The following RYR1 variants were observed in gnomAD, a reference collection of about 807,000 sequenced individuals.
The protein encoded by RYR1 is ryanodine receptor 1, also known as central core disease of muscle.
A neutral mutation model predicts 583.5 loss-of-function variants in RYR1; 342 were observed. That is an observed-to-expected ratio of 0.59 (90% confidence interval 0.54 to 0.64). The LOEUF (loss-of-function observed/expected upper bound fraction) is 0.64. Among genes scored for constraint, RYR1 ranks in the 30% least tolerant of loss-of-function variants. The pLI is 0.00. For synonymous variants in RYR1, 2,791 were observed against 2,822.5 expected, an observed-to-expected ratio of 0.99 and a Z score of 0.35; for missense variants, 6,032 against 6,917.2, an observed-to-expected ratio of 0.87 and a Z score of 4.54.
At position 38,565,784 on chromosome 19, in the gene RYR1, G is replaced by A. The variant is rs747560523; in HGVS notation, c.13437+13G>A. 3 of 1,387,870 alleles carry A rather than the reference G, an allele frequency of 2.2e-6. No individual in the cohort carries two copies. The highest frequency in any genetic ancestry group is 3.6e-5 in the Admixed American group (1 of 28,002). 86.0% of individuals were successfully genotyped at this position (1,387,870 alleles called of 1,614,324 possible). On this transcript the variant is annotated intron_variant, in intron 91 of 105. Coordinates refer to ENST00000359596, the MANE Select transcript of RYR1 (RefSeq NM_000540.3). The surrounding 1 kb of genome is among the most constrained non-coding windows in gnomAD (Gnocchi z 4.7). ...GAGGAAATTGGGGGTGAGAGAGCAG[G>A]CGGGGTTTTGGGGTTTTGGAAAGAT...
intron 76 of RYR1, 76 bp from the exon 77 acceptor site, chr19:38,532,414 C>T (rs1193698527): frequency 2.7e-6 from 4 of 1,462,492 alleles, no homozygotes; most frequent in African/African-American, 1.4e-5. Context: ...TGAGCCACCG[C>T]ACCCTGCCCA....
chr19:38,516,495 TG>T (rs1970978073), intron 65 of RYR1, among the ~76,000 whole-genome samples: 1 of 152,212 alleles, frequency 6.6e-6, no homozygotes, highest in South Asian at 2.1e-4. Context: ...CCAGGCGCAG[TG>T]GGTCACGCCT....
At chr19:38,524,169 T>C (rs1971358848) in intron 70 of RYR1, among the ~76,000 whole-genome samples, 1 of 145,722 alleles carries the variant, frequency 6.9e-6, no homozygotes, top group African/African-American at 2.5e-5. Flanking sequence ...CCTTTTTTTT[T>C]TCTGGACTTT....
At chr19:38,515,248 G>A in intron 64 of RYR1, 141 bp downstream of exon 64, 1 of 726,244 alleles carries the variant, frequency 1.4e-6, no homozygotes, top group South Asian at 1.6e-5. Flanking sequence ...GTTCCCCACG[G>A]CGGCCGCGTG....
At chr19:38,494,668 G>T in intron 39 of RYR1, 43 bp downstream of exon 39, 2 of 1,609,946 alleles carry the variant, frequency 1.2e-6, no homozygotes, top group Non-Finnish European at 1.7e-6. Context: ...ATCCCCTTGG[G>T]TAATGAATAC....
intron 88 of RYR1, 49 bp from the exon 89 acceptor site, chr19:38,548,184 C>A: frequency 6.2e-7 from 1 of 1,608,496 alleles, no homozygotes. Context: ...CCTGGTGGGG[C>A]CCCAGAAGGG....
At position 38,565,284 on chromosome 19, in the gene RYR1, T is replaced by TGCGGCGGCTGCG; in HGVS notation, c.12956_12967dup (p.Arg4319_Arg4322dup). The stretch of plus-strand genomic sequence containing the variant: ...AGCTACCGCAGCCTGCGGCGGCGCG[T>TGCGGCGGCTGCG]GCGGCGGCTGCGGCGGCTTACGGCC... On this transcript the variant is annotated inframe_insertion, in exon 91 of 106. Coordinates refer to ENST00000359596, the MANE Select transcript of RYR1 (RefSeq NM_000540.3). This position sits in a 1 kb window ranked among gnomAD's most constrained non-coding sequence, Gnocchi z 4.7. The TGCGGCGGCTGCG allele has an allele frequency of 5.0e-6, 5 of 1,005,712 alleles. No individual in the cohort carries two copies. The highest frequency in any genetic ancestry group is 5.9e-6 in the Non-Finnish European group (5 of 845,238). 62.3% of individuals were successfully genotyped at this position (1,005,712 alleles called of 1,614,324 possible).
Position 38,528,579 on chromosome 19 carries a change from G to A in RYR1, c.10938-20G>A, listed in dbSNP as rs749491754. Reference sequence around the variant, plus strand: ...ACGGAGGAGGGCGCGTCCCAGTGACGTCACACCTCTCCCCTGCAGGCACCG... The same window carrying A: ...ACGGAGGAGGGCGCGTCCCAGTGACATCACACCTCTCCCCTGCAGGCACCG... On this transcript the variant is annotated intron_variant, in intron 74 of 105. Transcript: ENST00000359596. 14 of 1,613,588 alleles carry A rather than the reference G, an allele frequency of 8.7e-6. No individual in the cohort carries two copies. The East Asian group carries it at 2.0e-4, about 23-fold the overall frequency.
chr19:38,534,005 ATT>A lies in RYR1; in HGVS notation c.11260-696_11260-695del, dbSNP rs71165556. The stretch of plus-strand genomic sequence containing the variant: ...ATAATGTGATATGGAACCATCTGTA[ATT>A]TTTTTTTTTTTTTTTTTTGAGACAG... On this transcript the variant is annotated intron_variant, in intron 78 of 105. Coordinates refer to ENST00000359596, the MANE Select transcript of RYR1 (RefSeq NM_000540.3). 8.9e-3 allele frequency among the ~76,000 whole-genome samples: 1,140 copies of A among 127,382 alleles called. 10 individuals carry two copies. The highest frequency in any genetic ancestry group is 0.026 in the African/African-American group (878 of 34,426). The allele number at this position is 127,382 out of a possible 152,430, so 83.6% of individuals were successfully genotyped here. A position where few individuals can be genotyped will look rare whatever the true frequency, so the allele number is the denominator to read the frequency against.
intron 1 of RYR1, among the ~76,000 whole-genome samples, chr19:38,434,439 G>C (rs71356805): frequency 0.018 from 2,734 of 152,110 alleles, 58 homozygotes; most frequent in Non-Finnish European, 0.023. Flanking sequence ...GGCTGCTAAT[G>C]GTCTTGCAGG....
chr19:38,487,158 T>A (rs1969336417), intron 34 of RYR1, among the ~76,000 whole-genome samples: 1 of 151,896 alleles, frequency 6.6e-6, no homozygotes, highest in Non-Finnish European at 1.5e-5. Context: ...AGTTCCCACC[T>A]ACCCTTCATC....
At position 38,446,745 on chromosome 19, in the gene RYR1, G is replaced by A; in HGVS notation, c.777G>A (p.Trp259Ter). ...GAVCTHARSLWRLEPLRISWS... is the reference protein window; with the variant it reads ...GAVCTHARSL The stretch of plus-strand genomic sequence containing the variant: ...TGTGCACTCATGCCCGCTCCCTCTG[G>A]AGGCTGGAGCCACTGAGAATCAGGT... Residue 259 changes from tryptophan (W) to a stop codon, truncating the protein, a stop_gained, in exon 9 of 106, where the codon TGG becomes TGA. Transcript: ENST00000359596. LOFTEE classifies it high-confidence loss of function. The A allele has an allele frequency of 6.2e-7, 1 of 1,613,878 alleles. No individual in the cohort carries two copies. The highest frequency in any genetic ancestry group is 8.5e-7 in the Non-Finnish European group (1 of 1,179,938).
chr19:38,481,003 C>T (rs910827163), intron 31 of RYR1, among the ~76,000 whole-genome samples: 6 of 152,116 alleles, frequency 3.9e-5, no homozygotes, highest in African/African-American at 1.2e-4. Flanking sequence ...GCTGGGATTA[C>T]AGTGTGAGGC....
At chr19:38,515,145 C>T in intron 64 of RYR1, 38 bp downstream of exon 64, 1 of 986,918 alleles carries the variant, frequency 1.0e-6, no homozygotes, top group Non-Finnish European at 1.6e-6. Flanking sequence ...CTGGGTGGGG[C>T]TGGAGGGGAA....
chr19:38,581,698 A>G (rs1233505682), intron 101 of RYR1, among the ~76,000 whole-genome samples: 2 of 152,136 alleles, frequency 1.3e-5, no homozygotes, highest in East Asian at 3.8e-4. Flanking sequence ...TCTCAGGTTC[A>G]AGTGATTCTC....
chr19:38,546,663 C>T, intron 88 of RYR1, 137 bp downstream of exon 88: 1 of 681,222 alleles, frequency 1.5e-6, no homozygotes. Flanking sequence ...GATGAAGAAG[C>T]CATAATAGGC....
At chr19:38,523,379 G>C (rs1337636377) in intron 69 of RYR1, 70 bp downstream of exon 69, 1 of 1,588,904 alleles carries the variant, frequency 6.3e-7, no homozygotes, top group Non-Finnish European at 8.6e-7. Context: ...TTCCTACCTG[G>C]CCTGTCCTCA....
At chr19:38,486,309 T>A in intron 34 of RYR1, 107 bp downstream of exon 34, 1 of 1,345,252 alleles carries the variant, frequency 7.4e-7, no homozygotes, top group Non-Finnish European at 1.1e-6. Flanking sequence ...AACCACCCAT[T>A]CATTCCCTCC....
In RYR1 at chr19:38,460,841, T is replaced by C. The variant is rs528598598; in HGVS notation, c.2577+250T>C. 2.0e-5 allele frequency among the ~76,000 whole-genome samples: 3 copies of C among 152,212 alleles called. No individual in the cohort carries two copies. In the South Asian group the frequency reaches 6.2e-4, roughly 32 times the overall value. ...TCTACTAAAAATACAAAAAGTTAGC[T>C]GGGTGTGGTGGCGGGCGCCTATAAT... On this transcript the variant is annotated intron_variant, in intron 20 of 105. Coordinates refer to ENST00000359596, the MANE Select transcript of RYR1 (RefSeq NM_000540.3).
Sources: allele counts gnomAD v4.1 joint callset (sites outside exome capture counted in the v4.1 genomes callset), GRCh38; gene constraint gnomAD v4.1.1; non-coding constraint Gnocchi (gnomAD v3.1); transcripts MANE v1.5; gene names NCBI Gene and HGNC (gene_info 2026-07-23, HGNC 2026-07-21).